Variants in SH3KBP1 observed in about 807,000 individuals in gnomAD.
SH3KBP1 encodes SH3 domain-containing kinase-binding protein 1.
A neutral mutation model predicts 50.1 loss-of-function variants in SH3KBP1; 8 were observed. The observed-to-expected ratio is 0.16, with a 90% CI of 0.09 to 0.29. The LOEUF (loss-of-function observed/expected upper bound fraction) is 0.29. SH3KBP1 is among the 10% of genes least tolerant of loss of function. The pLI is 1.00. For missense variants in SH3KBP1, 377 were observed against 535.2 expected (o/e 0.70, Z 2.92); for synonymous variants, 227 against 218.6 (o/e 1.04, Z -0.34).
chrX:19,698,662 A>G (rs183173696), intron 4 of SH3KBP1, among the ~76,000 whole-genome samples: 1 of 111,923 alleles, frequency 8.9e-6, no homozygotes, highest in Admixed American at 9.4e-5. Flanking sequence ...CCCCAGTACC[A>G]GTGAGAGTCG....
intron 6 of SH3KBP1, chrX:19,664,562 T>C (rs2062548876): frequency 8.9e-6 from 1 of 111,767 alleles, no homozygotes; most frequent in South Asian, 3.7e-4. Flanking sequence ...TGACTAAAGG[T>C]CATAGAAACC....
At chrX:19,847,183 T>C (rs191722218) in intron 1 of SH3KBP1, among the ~76,000 whole-genome samples, 4 of 111,554 alleles carry the variant, frequency 3.6e-5, no homozygotes, top group Non-Finnish European at 5.7e-5. Context: ...GAAACCACAG[T>C]GAATCCTCAC....
At chrX:19,558,453 T>C (rs1351942042) in intron 13 of SH3KBP1, among the ~76,000 whole-genome samples, 2 of 112,352 alleles carry the variant, frequency 1.8e-5, no homozygotes, top group Admixed American at 9.4e-5. Flanking sequence ...ATAACTTACA[T>C]AGATTTCTTA....
At chrX:19,803,569 T>C (rs2066949136) in intron 2 of SH3KBP1, among the ~76,000 whole-genome samples, 1 of 111,037 alleles carries the variant, frequency 9.0e-6, no homozygotes, top group South Asian at 3.8e-4. Context: ...CACGCAACAC[T>C]GGGAAACACT....
At chrX:19,673,065 C>CAAAAAAAAA (rs1174045446) in intron 6 of SH3KBP1, among the ~76,000 whole-genome samples, 1 of 37,328 alleles carries the variant, frequency 2.7e-5, no homozygotes, top group African/African-American at 9.2e-5. Context: ...GATTCTGTCT[C>CAAAAAAAAA]AAAAAAAAAA....
At chrX:19,651,333 C>T (rs949532284) in intron 6 of SH3KBP1, among the ~76,000 whole-genome samples, 1 of 111,073 alleles carries the variant, frequency 9.0e-6, no homozygotes, top group African/African-American at 3.3e-5. Context: ...AGAAGATACA[C>T]CAGAGTAAAA....
chrX:19,811,874 C>A (rs2067216751), intron 2 of SH3KBP1, among the ~76,000 whole-genome samples: 1 of 111,744 alleles, frequency 8.9e-6, no homozygotes, highest in Non-Finnish European at 1.9e-5. Flanking sequence ...TACTGGCAAC[C>A]AGTGAGTTGT....
chrX:19,564,308 C>A (rs932290005), intron 13 of SH3KBP1, among the ~76,000 whole-genome samples: 2 of 111,834 alleles, frequency 1.8e-5, no homozygotes, highest in Admixed American at 9.5e-5. Flanking sequence ...TGTTAATGGT[C>A]GCTATTACAA....
Position 19,868,828 on chromosome X carries a change from C to T in SH3KBP1, c.4+18479G>A, listed in dbSNP as rs185044024. Among the ~76,000 whole-genome samples, 4 of 108,275 alleles carry T rather than the reference C, an allele frequency of 3.7e-5. No individual in the cohort carries two copies. The East Asian group carries it at 9.0e-4, about 24-fold the overall frequency. The allele number at this position is 108,275 out of a possible 115,157, so 94.0% of individuals were successfully genotyped here. ...CTGTCTGTAGAACCCATCCCTTCCC[C>T]TACGGTAGACAGAATAATGCTCCCC... is the stretch of plus-strand genomic sequence containing the variant. On this transcript the variant is annotated intron_variant, in intron 1 of 17. Transcript: ENST00000397821.
intron 13 of SH3KBP1, among the ~76,000 whole-genome samples, chrX:19,553,705 T>C (rs1332285412): frequency 1.9e-5 from 2 of 103,833 alleles, no homozygotes. Context: ...AGAAGACCTA[T>C]GCACAGTGAA....
At chrX:19,766,427 G>A (rs1372211963) in intron 2 of SH3KBP1, among the ~76,000 whole-genome samples, 3 of 91,867 alleles carry the variant, frequency 3.3e-5, no homozygotes, top group African/African-American at 1.2e-4. Flanking sequence ...TCAGATATAT[G>A]ATTTGAAAAT....
At chrX:19,828,274 T>C (rs80024241) in intron 2 of SH3KBP1, among the ~76,000 whole-genome samples, 1 of 111,427 alleles carries the variant, frequency 9.0e-6, no homozygotes, top group East Asian at 2.8e-4. Flanking sequence ...TTTTTTTTTT[T>C]CCACTGAGTT....
intron 3 of SH3KBP1, among the ~76,000 whole-genome samples, chrX:19,707,970 C>T (rs1356931113): frequency 1.8e-5 from 2 of 112,918 alleles, no homozygotes; most frequent in Non-Finnish European, 3.8e-5. Context: ...TCACACCATT[C>T]CTTCATGCCA....
chrX:19,796,532 C>T (rs1444572052), intron 2 of SH3KBP1, among the ~76,000 whole-genome samples: 1 of 111,790 alleles, frequency 8.9e-6, no homozygotes, highest in Non-Finnish European at 1.9e-5. Context: ...AAGGTCGAGA[C>T]CTCACTAACA....
At chrX:19,839,990 C>T (rs1423924380) in intron 1 of SH3KBP1, among the ~76,000 whole-genome samples, 1 of 112,488 alleles carries the variant, frequency 8.9e-6, no homozygotes, top group Non-Finnish European at 1.9e-5. Context: ...GAGTCATATT[C>T]TTCCGTGCAC....
At chrX:19,740,914 G>A (rs1174508710) in intron 3 of SH3KBP1, 11 of 204,143 alleles carry the variant, frequency 5.4e-5, no homozygotes, top group Admixed American at 1.2e-4. Context: ...GGGAAAGGAC[G>A]GGCAGTCACT....
In SH3KBP1 at chrX:19,719,892, T is replaced by C. The variant is rs978542209; in HGVS notation, c.287-12908A>G. On this transcript the variant is annotated intron_variant, in intron 3 of 17. Transcript: ENST00000397821. ...ATAATAATAATAACAATAATAATAA[T>C]AATAATAGAGAACCCTGAGTTAACA... 4.7e-5 allele frequency among the ~76,000 whole-genome samples: 5 copies of C among 106,418 alleles called. No individual in the cohort carries two copies. The Admixed American group carries it at 5.1e-4, about 11-fold the overall frequency. The allele number at this position is 106,418 out of a possible 115,157, so 92.4% of individuals were successfully genotyped here. A position where few individuals can be genotyped will look rare whatever the true frequency, so the allele number is the denominator to read the frequency against.
chrX:19,608,137 C>G, intron 8 of SH3KBP1, 92 bp from the exon 9 acceptor site: 1 of 716,120 alleles, frequency 1.4e-6, no homozygotes, highest in Non-Finnish European at 2.1e-6. Context: ...AGGCCCTTTC[C>G]TGGAGGTCCG....
chrX:19,862,982 T>C (rs1445896551), intron 1 of SH3KBP1, among the ~76,000 whole-genome samples: 2 of 111,534 alleles, frequency 1.8e-5, no homozygotes, highest in African/African-American at 6.5e-5. Context: ...CACAAAAGAA[T>C]CTAGAAATAA....
Sources: allele counts gnomAD v4.1 joint callset (sites outside exome capture counted in the v4.1 genomes callset), GRCh38; gene constraint gnomAD v4.1.1; transcripts MANE v1.5; gene names NCBI Gene and HGNC (gene_info 2026-07-23, HGNC 2026-07-21).